Variants in HPSE2 observed in about 807,000 individuals in gnomAD.
HPSE2 encodes the protein heparanase 2 (inactive).
A neutral mutation model predicts 60.5 loss-of-function variants in HPSE2; 38 were observed. The observed-to-expected ratio is 0.63, with a 90% CI of 0.48 to 0.82. The LOEUF (loss-of-function observed/expected upper bound fraction) is 0.82, where lower values mean the gene tolerates loss of function less well. Ranked by LOEUF, HPSE2 falls within the 40% of genes least tolerant of loss-of-function variation. HPSE2 has a pLI of 0.00. For missense variants in HPSE2, 713 were observed against 740.4 expected, an observed-to-expected ratio of 0.96 and a Z score of 0.43; for synonymous variants, 295 against 293.2, an observed-to-expected ratio of 1.01 and a Z score of -0.06.
At chr10:98,694,793 T>C (rs1005123229) in intron 5 of HPSE2, among the ~76,000 whole-genome samples, 4 of 152,220 alleles carry the variant, frequency 2.6e-5, no homozygotes, top group Non-Finnish European at 4.4e-5. Flanking sequence ...TGTGCTATCA[T>C]GGTTATAACT....
chr10:99,135,637 A>G (rs1376608739), intron 3 of HPSE2, among the ~76,000 whole-genome samples: 1 of 152,312 alleles, frequency 6.6e-6, no homozygotes, highest in Non-Finnish European at 1.5e-5. Flanking sequence ...AAGTAAAGAC[A>G]TTCTTTGAAA....
rs145493880 is a variant in HPSE2 at position 98,913,714 on chromosome 10, T to A, written c.611-169658A>T. Among the ~76,000 whole-genome samples the A allele has an allele frequency of 2.3e-3, 355 of 152,310 alleles. 3 individuals carry two copies. The highest frequency in any genetic ancestry group is 8.3e-3 in the African/African-American group (344 of 41,572). On this transcript the variant is annotated intron_variant, in intron 3 of 11. Coordinates refer to ENST00000370552, the MANE Select transcript of HPSE2 (RefSeq NM_021828.5). The stretch of plus-strand genomic sequence containing the variant: ...CAGACCACTGACTGCCTGCCCATCA[T>A]GGCTTGGAGATGCCTGAATTAGAGC...
chr10:98,546,930 T>C (rs2133841706), intron 9 of HPSE2, among the ~76,000 whole-genome samples: 1 of 148,976 alleles, frequency 6.7e-6, no homozygotes, highest in South Asian at 2.1e-4. Context: ...ATATCCAGAA[T>C]CTACAATGAA....
At position 98,569,341 on chromosome 10, in the gene HPSE2, G is replaced by A. The variant is rs113132831; in HGVS notation, c.1320+45563C>T. Among the ~76,000 whole-genome samples the A allele has an allele frequency of 5.8e-3, 883 of 152,228 alleles. 10 individuals are homozygous for A. The highest frequency in any genetic ancestry group is 0.02 in the African/African-American group (828 of 41,532). On this transcript the variant is annotated intron_variant, in intron 9 of 11. Coordinates refer to ENST00000370552, the MANE Select transcript of HPSE2 (RefSeq NM_021828.5). ...CCCCCAAAGTGCTGGGATTACAGACGTGAGCCACTGCGCCTGGCCAGAAGT... is the reference window on the plus strand; with the variant it reads ...CCCCCAAAGTGCTGGGATTACAGACATGAGCCACTGCGCCTGGCCAGAAGT...
At chr10:99,056,739 C>A (rs1958123778) in intron 3 of HPSE2, among the ~76,000 whole-genome samples, 2 of 152,044 alleles carry the variant, frequency 1.3e-5, no homozygotes, top group African/African-American at 4.8e-5. Flanking sequence ...ACAACAATTT[C>A]TTAAATGGGA....
At chr10:98,532,439 C>G (rs551753247) in intron 9 of HPSE2, among the ~76,000 whole-genome samples, 2 of 152,242 alleles carry the variant, frequency 1.3e-5, no homozygotes, top group Admixed American at 6.5e-5. Context: ...CCTTAAGCAC[C>G]CTTTGCCTCA....
intron 3 of HPSE2, among the ~76,000 whole-genome samples, chr10:99,040,922 G>A (rs890124463): frequency 3.3e-5 from 5 of 151,600 alleles, no homozygotes; most frequent in African/African-American, 4.8e-5. Context: ...CTGTCTCTAC[G>A]AAAAATACAA....
chr10:98,945,924 T>A (rs777991212), intron 3 of HPSE2, among the ~76,000 whole-genome samples: 1 of 152,150 alleles, frequency 6.6e-6, no homozygotes, highest in Non-Finnish European at 1.5e-5. Flanking sequence ...ATATAGTTGA[T>A]CCTTGAACCA....
chr10:98,742,954 CTTTTTTTTCCTTTTCTTTTCT>C (rs1327915906), intron 4 of HPSE2, among the ~76,000 whole-genome samples: 8 of 138,916 alleles, frequency 5.8e-5, no homozygotes, highest in African/African-American at 2.1e-4. Context: ...TGGGTCTCTT[CTTTTTTTTCCTTTTCTTTTCT>C]TTTTTTTTTT....
intron 9 of HPSE2, among the ~76,000 whole-genome samples, chr10:98,560,096 T>C (rs1173508326): frequency 6.6e-6 from 1 of 152,166 alleles, no homozygotes; most frequent in Non-Finnish European, 1.5e-5. Flanking sequence ...TTTTTAAAAA[T>C]AGAGTGCAGA....
At chr10:99,106,906 T>C (rs1001649449) in intron 3 of HPSE2, among the ~76,000 whole-genome samples, 2 of 152,202 alleles carry the variant, frequency 1.3e-5, no homozygotes, top group African/African-American at 4.8e-5. Flanking sequence ...CATCTCACTC[T>C]ATCACCCAGG....
At chr10:98,602,137 T>G (rs140246399) in intron 9 of HPSE2, among the ~76,000 whole-genome samples, 3 of 152,286 alleles carry the variant, frequency 2.0e-5, no homozygotes, top group African/African-American at 7.2e-5. Context: ...TGTCCTATTT[T>G]TAATGAACAA....
intron 9 of HPSE2, among the ~76,000 whole-genome samples, chr10:98,594,913 T>C (rs556269593): frequency 4.6e-5 from 7 of 152,290 alleles, no homozygotes; most frequent in African/African-American, 1.4e-4. Context: ...TAATTTACAT[T>C]CCCACCAACA....
chr10:99,097,807 T>C (rs1037731795), intron 3 of HPSE2, among the ~76,000 whole-genome samples: 1 of 152,048 alleles, frequency 6.6e-6, no homozygotes, highest in African/African-American at 2.4e-5. Flanking sequence ...AGACAATGGG[T>C]TTACAGAAAT....
At chr10:99,220,064 T>C (rs186512825) in intron 2 of HPSE2, among the ~76,000 whole-genome samples, 304 of 152,300 alleles carry the variant, frequency 2.0e-3, no homozygotes, top group Non-Finnish European at 3.4e-3. Flanking sequence ...ATCCAAAACT[T>C]TACAAAGCAC....
At chr10:98,529,419 A>T (rs560958527) in intron 9 of HPSE2, among the ~76,000 whole-genome samples, 3 of 152,322 alleles carry the variant, frequency 2.0e-5, no homozygotes, top group Non-Finnish European at 4.4e-5. Context: ...ACATGTAAAA[A>T]TATACAAAGA....
intron 9 of HPSE2, among the ~76,000 whole-genome samples, chr10:98,534,443 C>T (rs1448746086): frequency 2.0e-5 from 3 of 151,442 alleles, no homozygotes; most frequent in African/African-American, 4.9e-5. Flanking sequence ...TCACTCTTGT[C>T]GCCCAGGCTG....
At chr10:98,482,853 A>G in intron 10 of HPSE2, 71 bp from the exon 11 acceptor site, 3 of 1,520,050 alleles carry the variant, frequency 2.0e-6, no homozygotes, top group South Asian at 1.1e-5. Flanking sequence ...TAAATAATTT[A>G]TAGACTGTAC....
chr10:99,281,989 G>A, the HPSE2 span, among the ~76,000 whole-genome samples: 39 of 152,166 alleles, frequency 2.6e-4, no homozygotes, highest in Non-Finnish European at 3.5e-4. Context: ...GCCGGGTGCG[G>A]TGGCTCATGC....
Sources: allele counts gnomAD v4.1 joint callset (sites outside exome capture counted in the v4.1 genomes callset), GRCh38; gene constraint gnomAD v4.1.1; transcripts MANE v1.5; gene names NCBI Gene and HGNC (gene_info 2026-07-23, HGNC 2026-07-21).